The following FXR1 variants were observed in gnomAD, a reference collection of about 807,000 sequenced individuals.
The protein encoded by FXR1 is RNA-binding protein FXR1.
FXR1 carries 15 observed loss-of-function variants against 84.0 expected under a neutral mutation model. That is an observed-to-expected ratio of 0.18 (90% confidence interval 0.12 to 0.27). The LOEUF (loss-of-function observed/expected upper bound fraction) is 0.27, where lower values mean the gene tolerates loss of function less well. Among genes scored for constraint, FXR1 ranks in the 10% least tolerant of loss-of-function variants. The pLI is 1.00. For missense variants in FXR1, 480 were observed against 774.4 expected, an observed-to-expected ratio of 0.62 and a Z score of 4.51; for synonymous variants, 245 against 250.7, an observed-to-expected ratio of 0.98 and a Z score of 0.21.
At position 180,948,408 on chromosome 3, in the gene FXR1, G is replaced by A; in HGVS notation, c.332G>A (p.Arg111Gln). 1 of 1,605,866 alleles carries A rather than the reference G, an allele frequency of 6.2e-7. No homozygotes were observed. The highest frequency in any genetic ancestry group is 1.1e-5 in the South Asian group (1 of 90,856). Residue 111 changes from arginine (R) to glutamine (Q), a missense_variant, in exon 5 of 17, where the codon CGA becomes CAA. Physicochemically the swap from Arg to Gln is conservative, Grantham distance 43. This residue lies in a region of FXR1 where 136 missense variants were observed against 315.4 expected (regional missense o/e 0.43). Coordinates refer to ENST00000357559, the MANE Select transcript of FXR1 (RefSeq NM_005087.4). ...TACAATGAAATAGTCACATTTGAAC[G>A]ACTTCGGCCTGTCAATCAAAATAAA... ...ATYNEIVTFE[R>Q]LRPVNQNKTV...
At chr3:180,929,588 T>C (rs1719642790) in intron 1 of FXR1, among the ~76,000 whole-genome samples, 1 of 152,114 alleles carries the variant, frequency 6.6e-6, no homozygotes, top group Admixed American at 6.6e-5. Flanking sequence ...TCCCCAAAGA[T>C]TGGATGGAGA....
At chr3:180,917,904 G>A (rs1718091223) in intron 1 of FXR1, among the ~76,000 whole-genome samples, 1 of 135,568 alleles carries the variant, frequency 7.4e-6, no homozygotes, top group Non-Finnish European at 1.5e-5. Context: ...CCGAGATCAT[G>A]CCATTGCACT....
At position 180,979,849 on chromosome 3, in the gene FXR1, A is replaced by G. The variant is rs1429831074; in HGVS notation, c.*3557A>G. On this transcript the variant is annotated 3_prime_UTR_variant, in exon 17 of 17. Coordinates refer to ENST00000357559, the MANE Select transcript of FXR1 (RefSeq NM_005087.4). ...TTTTTAAAAAGTTTATCAGTGTATC[A>G]TTTCAGATTCATCTGTATCTTCTGT... 1 of 152,056 alleles carries G rather than the reference A, an allele frequency of 6.6e-6. No individual in the cohort carries two copies. The highest frequency in any genetic ancestry group is 1.5e-5 in the Non-Finnish European group (1 of 67,944). The allele number at this position is 152,056 out of a possible 1,614,324, so 9.4% of individuals were successfully genotyped here. A position where few individuals can be genotyped will look rare whatever the true frequency, so the allele number is the denominator to read the frequency against.
intron 3 of FXR1, among the ~76,000 whole-genome samples, chr3:180,936,273 T>C (rs964021331): frequency 2.0e-5 from 3 of 152,174 alleles, no homozygotes; most frequent in African/African-American, 7.2e-5. Flanking sequence ...TATTTTACTT[T>C]ATTTTATTTT....
intron 13 of FXR1, among the ~76,000 whole-genome samples, chr3:180,967,591 A>G (rs1712999140): frequency 6.6e-6 from 1 of 151,502 alleles, no homozygotes; most frequent in Non-Finnish European, 1.5e-5. Context: ...TGGTGCCAAA[A>G]CCTAGGAATT....
intron 10 of FXR1, among the ~76,000 whole-genome samples, chr3:180,960,806 A>G (rs570711936): frequency 3.3e-5 from 5 of 152,340 alleles, no homozygotes; most frequent in African/African-American, 1.2e-4. Context: ...ATATACTTGG[A>G]AAATTAAATT....
chr3:180,928,707 T>G (rs997387443), intron 1 of FXR1, among the ~76,000 whole-genome samples: 1 of 152,192 alleles, frequency 6.6e-6, no homozygotes, highest in Non-Finnish European at 1.5e-5. Flanking sequence ...ATAAAATTTT[T>G]ATTTTACAGC....
At chr3:180,962,106 T>A (rs1354582979) in intron 11 of FXR1, among the ~76,000 whole-genome samples, 1 of 152,166 alleles carries the variant, frequency 6.6e-6, no homozygotes, top group Non-Finnish European at 1.5e-5. Flanking sequence ...CCATAAATTA[T>A]TAAACATTTT....
chr3:180,954,812 A>C (rs543339286), intron 9 of FXR1, among the ~76,000 whole-genome samples: 11 of 148,304 alleles, frequency 7.4e-5, no homozygotes, highest in East Asian at 4.0e-4. Flanking sequence ...CGGACATTCT[A>C]TTTGTTAAAT....
intron 1 of FXR1, chr3:180,927,960 TA>T (rs1449494843): frequency 1.1e-5 from 3 of 279,910 alleles, no homozygotes; most frequent in Non-Finnish European, 2.0e-5. Context: ...GATGCTTTTA[TA>T]TTTTAGCTTC....
Position 180,949,210 on chromosome 3 carries a change from A to C in FXR1, c.514-17A>C. The C allele has an allele frequency of 8.1e-7, 1 of 1,238,766 alleles. No homozygotes were observed. Among genetic ancestry groups the C allele is most frequent in the Non-Finnish European group, 1.2e-6 (1 of 837,004 alleles). The allele number at this position is 1,238,766 out of a possible 1,614,324, so 76.7% of individuals were successfully genotyped here. ...AGAATGATTAAAGTTTTGAGTAATT[A>C]GCTTGTTTGTTTATAGTCTGCCAGT... On this transcript the variant is annotated splice_polypyrimidine_tract_variant and intron_variant, in intron 6 of 16. Transcript: ENST00000357559.
intron 1 of FXR1, among the ~76,000 whole-genome samples, chr3:180,926,493 TATA>T (rs1719202712): frequency 9.6e-6 from 1 of 104,546 alleles, no homozygotes; most frequent in South Asian, 2.7e-4. Context: ...TATATATATA[TATA>T]TATATATATA....
chr3:180,931,464 C>T lies in FXR1; in HGVS notation c.52-1870C>T, dbSNP rs537059332. ...GAACTCCTGACCTCAGGTGATCTGC[C>T]TGCTCTGGCCTCCCAAAGTGCTGGC... On this transcript the variant is annotated intron_variant, in intron 1 of 16. Transcript: ENST00000357559. 6.5e-4 allele frequency among the ~76,000 whole-genome samples: 99 copies of T among 152,288 alleles called. 1 individual carries two copies. Among genetic ancestry groups the T allele is most frequent in the African/African-American group, 2.2e-3 (93 of 41,578 alleles).
rs775004828 is a variant in FXR1, at chr3:180,976,164, A to G, written c.1738A>G (p.Ile580Val). ...AGAGCATGGTCCTTCAGAAAAGGCA[A>G]TAAACGGCCCAACTAGTGCTTCTGG... ...IEEHGPSEKAINGPTSASGDD... is the reference protein window; with the variant it reads ...IEEHGPSEKAVNGPTSASGDD... Residue 580 changes from isoleucine to valine, a missense_variant, in exon 17 of 17, where the codon ATA (isoleucine) becomes GTA (valine). This residue lies in a region of FXR1 where 94 missense variants were observed against 81.8 expected (regional missense o/e 1.15). Transcript: ENST00000357559. The G allele has an allele frequency of 3.1e-6, 5 of 1,613,424 alleles. No homozygotes were observed. Among genetic ancestry groups the G allele is most frequent in the African/African-American group, 2.7e-5 (2 of 74,916 alleles).
At chr3:180,931,187 G>T (rs1012937365) in intron 1 of FXR1, among the ~76,000 whole-genome samples, 4 of 152,052 alleles carry the variant, frequency 2.6e-5, no homozygotes, top group African/African-American at 9.7e-5. Context: ...AATATCTCCA[G>T]AATTGCAAGG....
intron 3 of FXR1, among the ~76,000 whole-genome samples, chr3:180,937,708 G>A (rs1239489902): frequency 2.0e-5 from 3 of 151,926 alleles, no homozygotes; most frequent in African/African-American, 7.3e-5. Flanking sequence ...CGTTTATTAA[G>A]GATTTATCCA....
At chr3:180,953,673 T>C (rs1722455330) in intron 8 of FXR1, 89 bp from the exon 9 acceptor site, 1 of 686,974 alleles carries the variant, frequency 1.5e-6, no homozygotes. Flanking sequence ...TCATTCAGAA[T>C]TTTCTCTTTT....
At chr3:180,957,751 G>A in intron 9 of FXR1, 68 bp from the exon 10 acceptor site, 1 of 700,714 alleles carries the variant, frequency 1.4e-6, no homozygotes, top group Non-Finnish European at 2.5e-6. Context: ...AAATAATTGG[G>A]GCTGACACTG....
chr3:180,915,937 A>G (rs958675969), intron 1 of FXR1, among the ~76,000 whole-genome samples: 2 of 152,354 alleles, frequency 1.3e-5, no homozygotes, highest in South Asian at 2.1e-4. Flanking sequence ...CAGTGGCTCT[A>G]TAGTTAGAGA....
Sources: allele counts gnomAD v4.1 joint callset (sites outside exome capture counted in the v4.1 genomes callset), GRCh38; gene constraint gnomAD v4.1.1; regional missense constraint gnomAD v4.1.1; transcripts MANE v1.5; gene names NCBI Gene and HGNC (gene_info 2026-07-23, HGNC 2026-07-21).